CNTN5: variants seen among roughly 807,000 people sequenced by gnomAD.
CNTN5 encodes the protein contactin 5.
Under a neutral mutation model 129.1 loss-of-function variants are expected in CNTN5, and 77 were observed. That is an observed-to-expected ratio of 0.60 (90% CI 0.50 to 0.72). The LOEUF is 0.72. Ranked by LOEUF, CNTN5 falls within the 30% of genes least tolerant of loss-of-function variation. The pLI, the probability that CNTN5 is intolerant of heterozygous loss-of-function variation, is 0.00. For missense variants in CNTN5, 1,478 were observed against 1,328.8 expected, an observed-to-expected ratio of 1.11 and a Z score of -1.75; for synonymous variants, 509 against 465.6, an observed-to-expected ratio of 1.09 and a Z score of -1.20.
chr11:100,255,959 C>T (rs1405935577), intron 17 of CNTN5, 41 bp downstream of exon 17: 2 of 1,573,294 alleles, frequency 1.3e-6, no homozygotes, highest in African/African-American at 1.4e-5. Flanking sequence ...ACCAGAGTGG[C>T]CTTCTATCTC....
intron 1 of CNTN5, among the ~76,000 whole-genome samples, chr11:99,198,306 TA>T (rs1859005304): frequency 1.3e-5 from 2 of 152,148 alleles, no homozygotes; most frequent in Non-Finnish European, 2.9e-5. Context: ...GGTTAAGTAC[TA>T]AAGAATTTTG....
intron 9 of CNTN5, among the ~76,000 whole-genome samples, chr11:100,052,080 T>C (rs1194893266): frequency 6.6e-6 from 1 of 151,896 alleles, no homozygotes; most frequent in African/African-American, 2.4e-5. Context: ...GTTTTAACTA[T>C]TAAAAAGCAA....
intron 1 of CNTN5, among the ~76,000 whole-genome samples, chr11:99,073,205 A>G (rs1865409389): frequency 6.6e-6 from 1 of 151,774 alleles, no homozygotes; most frequent in Non-Finnish European, 1.5e-5. Flanking sequence ...TTTTTGGTGG[A>G]CTTAAGCACT....
At chr11:99,509,787 C>T (rs117875057) in intron 2 of CNTN5, among the ~76,000 whole-genome samples, 6,246 of 151,830 alleles carry the variant, frequency 0.041, 160 homozygotes, top group South Asian at 0.08. Flanking sequence ...TTCCTTAATA[C>T]ATCTATTTAT....
chr11:100,111,970 A>T lies in CNTN5; in HGVS notation c.1580+37676A>T, dbSNP rs538757045. Among the ~76,000 whole-genome samples the T allele has an allele frequency of 2.6e-5, 4 of 152,314 alleles. No individual in the cohort carries two copies. The South Asian group carries it at 8.3e-4, about 32-fold the overall frequency. On this transcript the variant is annotated intron_variant, in intron 13 of 24. Transcript: ENST00000524871. ...TTTGTTTACACTACGTTGTATAGGA[A>T]AATATTTTTTAAATGCTGCAATTTT...
chr11:100,248,718 G>T (rs1213071108), intron 16 of CNTN5, among the ~76,000 whole-genome samples: 1 of 152,138 alleles, frequency 6.6e-6, no homozygotes, highest in East Asian at 1.9e-4. Context: ...GTGAGAAAAA[G>T]CCAGAAAAGT....
chr11:99,610,958 G>C (rs935928469), intron 3 of CNTN5, among the ~76,000 whole-genome samples: 1 of 152,146 alleles, frequency 6.6e-6, no homozygotes, highest in Non-Finnish European at 1.5e-5. Context: ...CCAAGTACGC[G>C]TGCACACCAA....
chr11:99,212,433 A>G lies in CNTN5; in HGVS notation c.-209-112913A>G, dbSNP rs185633132. On this transcript the variant is annotated intron_variant, in intron 1 of 24. Coordinates refer to ENST00000524871, the MANE Select transcript of CNTN5 (RefSeq NM_014361.4). ...AGTCTTTTGACTATTTCCACTATCG[A>G]TAATACCTACACTTTCCTTGCACGT... Among the ~76,000 whole-genome samples, 3 of 152,228 alleles carry G rather than the reference A, an allele frequency of 2.0e-5. No individual in the cohort carries two copies. The East Asian group carries it at 5.8e-4, about 29-fold the overall frequency.
At chr11:100,100,238 G>T (rs1309786152) in intron 13 of CNTN5, among the ~76,000 whole-genome samples, 1 of 152,018 alleles carries the variant, frequency 6.6e-6, no homozygotes, top group African/African-American at 2.4e-5. Context: ...GTGTTTTTGT[G>T]TTTGTGTATG....
chr11:99,632,060 A>T (rs1291087172), intron 3 of CNTN5, among the ~76,000 whole-genome samples: 1 of 152,124 alleles, frequency 6.6e-6, no homozygotes, highest in African/African-American at 2.4e-5. Context: ...GGTTTGGTGC[A>T]TCCATGGTTT....
chr11:99,865,602 C>T (rs1948334062), intron 6 of CNTN5, among the ~76,000 whole-genome samples: 1 of 151,566 alleles, frequency 6.6e-6, no homozygotes, highest in African/African-American at 2.4e-5. Context: ...GTAATCTAAA[C>T]AATTACTTAC....
intron 2 of CNTN5, among the ~76,000 whole-genome samples, chr11:99,451,334 T>C (rs1169055449): frequency 6.6e-6 from 1 of 152,114 alleles, no homozygotes; most frequent in African/African-American, 2.4e-5. Context: ...AGTTATGAGA[T>C]GAAATTCACA....
At chr11:99,980,417 A>G (rs1364248825) in intron 8 of CNTN5, among the ~76,000 whole-genome samples, 1 of 152,174 alleles carries the variant, frequency 6.6e-6, no homozygotes, top group Admixed American at 6.5e-5. Context: ...AGATTTCCAA[A>G]GACTTTTCAG....
intron 1 of CNTN5, among the ~76,000 whole-genome samples, chr11:99,228,035 G>C (rs1860782714): frequency 1.3e-5 from 2 of 151,828 alleles, no homozygotes; most frequent in Admixed American, 1.3e-4. Flanking sequence ...ACCATCGCTT[G>C]ATCTGTTGCC....
chr11:100,131,899 G>T (rs1201855749), intron 13 of CNTN5, among the ~76,000 whole-genome samples: 1 of 152,038 alleles, frequency 6.6e-6, no homozygotes, highest in Non-Finnish European at 1.5e-5. Context: ...GAGTATTCTA[G>T]GGACCTTAGA....
At chr11:99,259,829 CAT>C (rs1187640274) in intron 1 of CNTN5, among the ~76,000 whole-genome samples, 1 of 151,792 alleles carries the variant, frequency 6.6e-6, no homozygotes, top group Non-Finnish European at 1.5e-5. Context: ...CTTCCAGACT[CAT>C]GTGGTATAAA....
At chr11:99,551,866 G>A (rs1337833191) in intron 2 of CNTN5, among the ~76,000 whole-genome samples, 1 of 151,524 alleles carries the variant, frequency 6.6e-6, no homozygotes, top group Non-Finnish European at 1.5e-5. Context: ...TCATTATATA[G>A]CACATGACTG....
rs566474919 is a variant in CNTN5 at position 99,852,821 on chromosome 11, A to G, written c.577+7559A>G. 9.2e-5 allele frequency among the ~76,000 whole-genome samples: 14 copies of G among 152,292 alleles called. 1 individual carries two copies. The South Asian group carries it at 2.9e-3, about 32-fold the overall frequency. ...GACTGTATACATCTTCTGACCTTTA[A>G]TGCTCAAGCACATTTACTTAATTAA... On this transcript the variant is annotated intron_variant, in intron 6 of 24. Coordinates refer to ENST00000524871, the MANE Select transcript of CNTN5 (RefSeq NM_014361.4).
At chr11:100,034,479 C>G (rs908997608) in intron 9 of CNTN5, among the ~76,000 whole-genome samples, 3 of 152,194 alleles carry the variant, frequency 2.0e-5, no homozygotes, top group African/African-American at 7.2e-5. Context: ...TAATCATTTA[C>G]ATGATTTCTT....
Sources: allele counts gnomAD v4.1 joint callset (sites outside exome capture counted in the v4.1 genomes callset), GRCh38; gene constraint gnomAD v4.1.1; transcripts MANE v1.5; gene names NCBI Gene and HGNC (gene_info 2026-07-23, HGNC 2026-07-21).